Variants in DAB2IP observed in about 807,000 individuals in gnomAD.
DAB2IP encodes disabled homolog 2-interacting protein.
A neutral mutation model predicts 107.2 loss-of-function variants in DAB2IP; 28 were observed. That is an observed-to-expected ratio of 0.26 (90% CI 0.19 to 0.36). DAB2IP has a LOEUF of 0.36. Among genes scored for constraint, DAB2IP ranks in the 10% least tolerant of loss-of-function variants. The pLI is 1.00. For missense variants in DAB2IP, 1,400 were observed against 1,644.7 expected (o/e 0.85, Z 2.57); for synonymous variants, 755 against 706.4 (o/e 1.07, Z -1.09).
rs77194279 is a variant in DAB2IP, at chr9:121,730,223, C to T, written c.363-26790C>T. ...AGCCTGAAGAACTGTTCCTATCTCC[C>T]TCCTCTCCCTTTCCACCCTTCCCGA... On this transcript the variant is annotated intron_variant, in intron 3 of 15. Coordinates refer to ENST00000408936, the Ensembl canonical transcript of DAB2IP. 4.2e-3 allele frequency among the ~76,000 whole-genome samples: 641 copies of T among 152,322 alleles called. 4 individuals are homozygous for T. The highest frequency in any genetic ancestry group is 7.0e-3 in the Non-Finnish European group (478 of 68,040).
At chr9:121,622,278 G>A (rs918980298) in intron 1 of DAB2IP, among the ~76,000 whole-genome samples, 17 of 152,234 alleles carry the variant, frequency 1.1e-4, no homozygotes, top group South Asian at 2.1e-4. Flanking sequence ...GTGAGCCACC[G>A]CACCCGGCCC....
chr9:121,705,119 A>G (rs1829992063), intron 3 of DAB2IP, among the ~76,000 whole-genome samples: 1 of 152,164 alleles, frequency 6.6e-6, no homozygotes, highest in Admixed American at 6.5e-5. Flanking sequence ...TCCCTTGTGT[A>G]CCTTCCCAAG....
At chr9:121,696,834 G>T (rs1406825065) in intron 2 of DAB2IP, among the ~76,000 whole-genome samples, 1 of 152,246 alleles carries the variant, frequency 6.6e-6, no homozygotes, top group East Asian at 1.9e-4. Context: ...CTAGGTGGAT[G>T]TGTGATGTGA....
rs73661791 is a variant in DAB2IP at position 121,603,180 on chromosome 9, C to T, written c.40+35952C>T. ...AGAGGAGCGGGGTGGTTCTGTTGTG[C>T]GTCTATCTATGTTTTCAATCTCCAT... On this transcript the variant is annotated intron_variant, in intron 1 of 16. Coordinates refer to the DAB2IP transcript ENST00000259371. 3.4e-3 allele frequency among the ~76,000 whole-genome samples: 516 copies of T among 152,276 alleles called. 1 individual carries two copies. Among genetic ancestry groups the T allele is most frequent in the African/African-American group, 0.012 (494 of 41,560 alleles).
intron 3 of DAB2IP, among the ~76,000 whole-genome samples, chr9:121,748,298 G>A (rs529241449): frequency 3.3e-4 from 51 of 152,308 alleles, no homozygotes; most frequent in African/African-American, 7.0e-4. Context: ...GGAACGGGCC[G>A]TTGCTGGGGT....
intron 3 of DAB2IP, among the ~76,000 whole-genome samples, chr9:121,749,116 G>C (rs966195738): frequency 2.0e-5 from 3 of 152,212 alleles, no homozygotes; most frequent in Non-Finnish European, 4.4e-5. Context: ...GAGCCACCAG[G>C]CGGCTGCATT....
At position 121,571,340 on chromosome 9, in the gene DAB2IP, C is replaced by G. The variant is rs111676583; in HGVS notation, c.40+4112C>G. ...CCACCTGGCAGGAGTAAGCATCCAA[C>G]AAATGCTTGTTGAATGAGTGAGTGA... On this transcript the variant is annotated intron_variant, in intron 1 of 16. Transcript: ENST00000259371. Among the ~76,000 whole-genome samples, 564 of 152,282 alleles carry G rather than the reference C, an allele frequency of 3.7e-3. 12 individuals carry two copies. The highest frequency in any genetic ancestry group is 0.01 in the African/African-American group (429 of 41,508).
chr9:121,683,859 G>T (rs1828721149), intron 2 of DAB2IP, among the ~76,000 whole-genome samples: 1 of 152,222 alleles, frequency 6.6e-6, no homozygotes, highest in Non-Finnish European at 1.5e-5. Flanking sequence ...GAGTATTTCA[G>T]TTAGTGAAGT....
intron 1 of DAB2IP, among the ~76,000 whole-genome samples, chr9:121,641,907 TTCTTTC>T (rs761018427): frequency 8.3e-6 from 1 of 119,788 alleles, no homozygotes; most frequent in African/African-American, 4.0e-5. Context: ...CTTTCTTTCT[TTCTTTC>T]TTTCTTTCTT....
At chr9:121,732,060 G>A (rs1286451615) in intron 3 of DAB2IP, among the ~76,000 whole-genome samples, 1 of 152,150 alleles carries the variant, frequency 6.6e-6, no homozygotes, top group Non-Finnish European at 1.5e-5. Flanking sequence ...CCAGGGCTGA[G>A]GGGACTGCCC....
intron 10 of DAB2IP, 36 bp from the exon 11 acceptor site, chr9:121,770,510 A>C (rs1213623526): frequency 6.2e-7 from 1 of 1,600,798 alleles, no homozygotes; most frequent in African/African-American, 1.3e-5. Flanking sequence ...ATGTGGTCCC[A>C]GGAGGTCACA....
intron 1 of DAB2IP, among the ~76,000 whole-genome samples, chr9:121,640,273 C>T (rs1470126039): frequency 3.3e-5 from 5 of 151,970 alleles, no homozygotes; most frequent in African/African-American, 1.2e-4. Flanking sequence ...CTGGGTAGTG[C>T]GGATCTAGAA....
At chr9:121,650,319 C>T (rs1832693887), upstream of DAB2IP, among the ~76,000 whole-genome samples, 1 of 152,210 alleles carries the variant, frequency 6.6e-6, no homozygotes, top group Non-Finnish European at 1.5e-5. Context: ...GCCTGGCTTC[C>T]AGCTGTGAGA....
chr9:121,694,773 CCA>C (rs901370077), intron 2 of DAB2IP, among the ~76,000 whole-genome samples: 28 of 152,128 alleles, frequency 1.8e-4, no homozygotes, highest in African/African-American at 6.3e-4. Flanking sequence ...AATGGGCCAT[CCA>C]CAGAGAGGGG....
At chr9:121,586,195 T>G (rs1404370342) in intron 1 of DAB2IP, among the ~76,000 whole-genome samples, 1 of 152,232 alleles carries the variant, frequency 6.6e-6, no homozygotes, top group Non-Finnish European at 1.5e-5. Flanking sequence ...GCATTAAAAC[T>G]AAATTAGATC....
intron 1 of DAB2IP, among the ~76,000 whole-genome samples, chr9:121,590,231 C>T (rs1056172426): frequency 6.7e-6 from 1 of 149,946 alleles, no homozygotes; most frequent in Non-Finnish European, 1.5e-5. Flanking sequence ...GCTCCGTGAC[C>T]GTCATGCCCC....
rs542628658 is a variant in DAB2IP at position 121,698,954 on chromosome 9, G to T, written c.229-371G>T. ...GGGGCGGCCGGCCCTGGCGGTCCCC[G>T]GGGGTCTCCGCCCCTCCGCAGCCCC... On this transcript the variant is annotated intron_variant, in intron 2 of 15. Coordinates refer to ENST00000408936, the Ensembl canonical transcript of DAB2IP. The surrounding 1 kb of genome is among the most constrained non-coding windows in gnomAD (Gnocchi z 4.1). Among the ~76,000 whole-genome samples, 2 of 151,862 alleles carry T rather than the reference G, an allele frequency of 1.3e-5. No homozygotes were observed. The highest frequency in any genetic ancestry group is 3.9e-4 in the East Asian group (2 of 5,164).
intron 3 of DAB2IP, chr9:121,751,527 A>T (rs1172827379): frequency 1.3e-5 from 2 of 152,660 alleles, no homozygotes; most frequent in African/African-American, 4.8e-5. Context: ...TGTTTGGCAA[A>T]GAAGTGGAGG....
chr9:121,676,579 G>C (rs920526299), intron 1 of DAB2IP, among the ~76,000 whole-genome samples: 2 of 152,026 alleles, frequency 1.3e-5, no homozygotes, highest in South Asian at 4.1e-4. Flanking sequence ...CATGCAGGGT[G>C]CTGGGGAGGT....
Sources: allele counts gnomAD v4.1 joint callset (sites outside exome capture counted in the v4.1 genomes callset), GRCh38; gene constraint gnomAD v4.1.1; non-coding constraint Gnocchi (gnomAD v3.1); transcripts MANE v1.5; gene names NCBI Gene and HGNC (gene_info 2026-07-23, HGNC 2026-07-21).